Variants in PATJ observed in about 807,000 individuals in gnomAD.
PATJ encodes the protein inaD-like protein.
Under a neutral mutation model 224.9 loss-of-function variants are expected in PATJ, and 190 were observed. That is an observed-to-expected ratio of 0.84 (90% confidence interval 0.75 to 0.95). The LOEUF is 0.95. Ranked by LOEUF, PATJ falls within the 40% of genes least tolerant of loss-of-function variation. The pLI is 0.00. For missense variants in PATJ, 2,121 were observed against 2,270.3 expected, an observed-to-expected ratio of 0.93 and a Z score of 1.34; for synonymous variants, 769 against 820.3, an observed-to-expected ratio of 0.94 and a Z score of 1.07.
At chr1:62,142,033 T>G (rs1242081961) in intron 41 of PATJ, among the ~76,000 whole-genome samples, 1 of 152,194 alleles carries the variant, frequency 6.6e-6, no homozygotes, top group Non-Finnish European at 1.5e-5. Flanking sequence ...TCATTTTATA[T>G]TCAGCCATAG....
At chr1:61,919,730 T>C (rs530352670) in intron 26 of PATJ, among the ~76,000 whole-genome samples, 2 of 152,316 alleles carry the variant, frequency 1.3e-5, no homozygotes, top group South Asian at 4.1e-4. Flanking sequence ...ATGTGATTTC[T>C]CTTTGACCCA....
intron 43 of PATJ, among the ~76,000 whole-genome samples, chr1:62,157,110 G>A (rs1466083307): frequency 6.6e-6 from 1 of 151,974 alleles, no homozygotes; most frequent in South Asian, 2.1e-4. Flanking sequence ...GATCACGTGA[G>A]GTCAGGAGTT....
chr1:62,088,361 G>A (rs1000808141), intron 33 of PATJ, among the ~76,000 whole-genome samples: 1 of 152,084 alleles, frequency 6.6e-6, no homozygotes, highest in Non-Finnish European at 1.5e-5. Context: ...CCAGCATCTC[G>A]GACTTTGCCC....
At chr1:62,060,794 A>T (rs1655293505) in intron 31 of PATJ, among the ~76,000 whole-genome samples, 1 of 152,198 alleles carries the variant, frequency 6.6e-6, no homozygotes, top group Non-Finnish European at 1.5e-5. Context: ...CTCCCACCTC[A>T]GCCTCCCAGA....
At chr1:61,981,818 T>C (rs1644467405) in intron 27 of PATJ, among the ~76,000 whole-genome samples, 1 of 151,970 alleles carries the variant, frequency 6.6e-6, no homozygotes, top group African/African-American at 2.4e-5. Context: ...ATTACAGGCA[T>C]GTGCCACCAC....
chr1:62,091,987 C>T (rs1660792264), intron 33 of PATJ, among the ~76,000 whole-genome samples: 2 of 144,904 alleles, frequency 1.4e-5, no homozygotes, highest in Admixed American at 7.1e-5. Flanking sequence ...ACACGGGAGG[C>T]GGAGGTTGCA....
chr1:62,042,793 C>T (rs189234568), intron 30 of PATJ, among the ~76,000 whole-genome samples: 10 of 152,164 alleles, frequency 6.6e-5, no homozygotes, highest in East Asian at 1.9e-4. Context: ...ACTATAGGCA[C>T]GTACCATCAT....
chr1:61,952,380 G>A, intron 27 of PATJ: 1 of 717,102 alleles, frequency 1.4e-6, no homozygotes, highest in Non-Finnish European at 2.6e-6. Context: ...ACCCTGAAGG[G>A]AACACAACAA....
At chr1:61,825,677 A>G (rs1304780542) in intron 15 of PATJ, among the ~76,000 whole-genome samples, 1 of 152,212 alleles carries the variant, frequency 6.6e-6, no homozygotes, top group Non-Finnish European at 1.5e-5. Flanking sequence ...CCCTTTAGCA[A>G]CAGAGCAGTG....
intron 14 of PATJ, among the ~76,000 whole-genome samples, chr1:61,812,427 A>AGTGTGTGTGT (rs1203727955): frequency 1.8e-5 from 2 of 112,974 alleles, no homozygotes; most frequent in Non-Finnish European, 4.0e-5. Flanking sequence ...AGAGAGAGAG[A>AGTGTGTGTGT]GAGAGAGTGT....
chr1:61,904,987 C>T (rs376224930), intron 24 of PATJ, among the ~76,000 whole-genome samples: 2 of 152,108 alleles, frequency 1.3e-5, no homozygotes, highest in African/African-American at 2.4e-5. Flanking sequence ...CTTTGGGAGG[C>T]GGAGGCAGGA....
chr1:61,882,799 C>T lies in PATJ; in HGVS notation c.2960-1438C>T, dbSNP rs55698546. ...AAGCTGGTCTTGAATTCTTGGGGCTCAAGGAGTCCATCTGCCTCAGTCTCC... is the reference window on the plus strand; with the variant it reads ...AAGCTGGTCTTGAATTCTTGGGGCTTAAGGAGTCCATCTGCCTCAGTCTCC... On this transcript the variant is annotated intron_variant, in intron 21 of 43. Coordinates refer to ENST00000642238, the MANE Select transcript of PATJ (RefSeq NM_001350145.3). Among the ~76,000 whole-genome samples, 1,136 of 152,256 alleles carry T rather than the reference C, an allele frequency of 7.5e-3. 8 individuals are homozygous for T. Among genetic ancestry groups the T allele is most frequent in the Non-Finnish European group, 0.012 (830 of 68,030 alleles).
rs1657589431 is a variant in PATJ, at chr1:61,823,006, A to G, written c.1745A>G (p.Tyr582Cys). Reference protein sequence around the residue: ...VEVDSFDGHHYISSIVSGGPV... With the variant: ...VEVDSFDGHHCISSIVSGGPV... ...GTGGATTCCTTTGATGGGCACCATT[A>G]TATTTCTTCAATTGTTTCTGGTGGT... The change falls in exon 15 of 44, where the codon TAT becomes TGT. Residue 582 changes from tyrosine (Y) to cysteine (C), a missense_variant. By Grantham distance (194) the Tyr-to-Cys change is radical (BLOSUM62 -2). Coordinates refer to ENST00000642238, the MANE Select transcript of PATJ (RefSeq NM_001350145.3). 2.5e-6 allele frequency: 4 copies of G among 1,613,996 alleles called. No homozygotes were observed. The highest frequency in any genetic ancestry group is 3.4e-6 in the Non-Finnish European group (4 of 1,179,998).
intron 21 of PATJ, among the ~76,000 whole-genome samples, chr1:61,883,653 G>A (rs1668393841): frequency 6.6e-6 from 1 of 151,796 alleles, no homozygotes; most frequent in South Asian, 2.1e-4. Flanking sequence ...TACTCAGGAG[G>A]CTGGGGCAGG....
At chr1:62,084,670 G>A (rs767153328) in intron 33 of PATJ, 22 bp downstream of exon 33, 9 of 1,610,850 alleles carry the variant, frequency 5.6e-6, no homozygotes, top group East Asian at 2.2e-5. Context: ...GAAATAAAAT[G>A]TATCCACTGT....
intron 27 of PATJ, among the ~76,000 whole-genome samples, chr1:61,975,356 A>T (rs1284359144): frequency 6.6e-6 from 1 of 152,090 alleles, no homozygotes; most frequent in Non-Finnish European, 1.5e-5. Context: ...GGAACTCTTT[A>T]TGCTTTTGAT....
chr1:61,827,876 G>A (rs951826114), intron 16 of PATJ, among the ~76,000 whole-genome samples: 1 of 152,088 alleles, frequency 6.6e-6, no homozygotes, highest in Non-Finnish European at 1.5e-5. Context: ...CTAGTTCAAC[G>A]CAGTTTGTCT....
In PATJ at chr1:61,769,423, G is replaced by A; in HGVS notation, c.524+1G>A. 2 of 1,607,972 alleles carry A rather than the reference G, an allele frequency of 1.2e-6. No homozygotes were observed. The highest frequency in any genetic ancestry group is 1.7e-6 in the Non-Finnish European group (2 of 1,178,476). ...TCCAGCCAGGGAGTGTAGCAGACAG[G>A]TGAGGAAGCTGTTTATTTTCATTTT... On this transcript the variant is annotated splice_donor_variant, in intron 5 of 43. Coordinates refer to ENST00000642238, the MANE Select transcript of PATJ (RefSeq NM_001350145.3). LOFTEE classifies it high-confidence loss of function.
intron 43 of PATJ, among the ~76,000 whole-genome samples, chr1:62,154,308 T>C (rs1480951704): frequency 2.0e-5 from 3 of 152,118 alleles, no homozygotes; most frequent in Non-Finnish European, 2.9e-5. Flanking sequence ...TTTTTCTTCT[T>C]TGGTTTTATC....
Sources: allele counts gnomAD v4.1 joint callset (sites outside exome capture counted in the v4.1 genomes callset), GRCh38; gene constraint gnomAD v4.1.1; transcripts MANE v1.5; gene names NCBI Gene and HGNC (gene_info 2026-07-23, HGNC 2026-07-21).